Variants in NELL1 observed in about 807,000 individuals in gnomAD.
NELL1 encodes the protein protein kinase C-binding protein NELL1.
Under a neutral mutation model 107.4 loss-of-function variants are expected in NELL1, and 76 were observed. The observed-to-expected ratio is 0.71, with a 90% CI of 0.59 to 0.86. The LOEUF (loss-of-function observed/expected upper bound fraction) is 0.86, where lower values mean the gene tolerates loss of function less well. NELL1 is among the 40% of genes least tolerant of loss of function. NELL1 has a pLI of 0.00. For synonymous variants in NELL1, 353 were observed against 341.2 expected (o/e 1.03, Z -0.38); for missense variants, 1,024 against 1,005.5 (o/e 1.02, Z -0.25).
rs75305017 is a variant in NELL1, at chr11:21,040,351, T to C, written c.1301-73238T>C. Among the ~76,000 whole-genome samples, 389 of 152,302 alleles carry C rather than the reference T, an allele frequency of 2.6e-3. 1 individual carries two copies. The highest frequency in any genetic ancestry group is 9.1e-3 in the African/African-American group (377 of 41,572). ...CATTTTTTCCTATTATATGTATGAG[T>C]TGATAAACATCTTTTTACTCATCTT... is the stretch of plus-strand genomic sequence containing the variant. On this transcript the variant is annotated intron_variant, in intron 12 of 19. Transcript: ENST00000357134.
chr11:20,818,294 T>G (rs550258046), intron 3 of NELL1, among the ~76,000 whole-genome samples: 59 of 152,180 alleles, frequency 3.9e-4, no homozygotes, highest in Non-Finnish European at 4.1e-4. Context: ...TTATTATAAG[T>G]AAGTCTTCCT....
At chr11:21,388,831 G>A (rs566719954) in intron 15 of NELL1, among the ~76,000 whole-genome samples, 4 of 151,844 alleles carry the variant, frequency 2.6e-5, no homozygotes, top group African/African-American at 7.2e-5. Context: ...TAACATTTCC[G>A]GAAAGATGTT....
intron 12 of NELL1, among the ~76,000 whole-genome samples, chr11:21,035,484 A>AT (rs1853067817): frequency 6.6e-6 from 1 of 151,842 alleles, no homozygotes; most frequent in African/African-American, 2.4e-5. Context: ...AAAAAAAAAA[A>AT]AAAATAAAAC....
At chr11:21,507,839 G>A (rs143315571) in intron 15 of NELL1, among the ~76,000 whole-genome samples, 22 of 150,886 alleles carry the variant, frequency 1.5e-4, no homozygotes, top group African/African-American at 4.9e-4. Flanking sequence ...GGAGTGCGGC[G>A]GCGTGATCTC....
intron 14 of NELL1, among the ~76,000 whole-genome samples, chr11:21,345,423 G>T (rs908015030): frequency 6.6e-6 from 1 of 152,088 alleles, no homozygotes; most frequent in Non-Finnish European, 1.5e-5. Context: ...CAAAGCATTT[G>T]CATATCCATA....
intron 4 of NELL1, among the ~76,000 whole-genome samples, chr11:20,870,284 T>C (rs560547635): frequency 6.6e-6 from 1 of 152,354 alleles, no homozygotes; most frequent in South Asian, 2.1e-4. Flanking sequence ...CTTTACCCAT[T>C]AGTTTTCTTC....
At chr11:21,451,115 A>G (rs1461155182) in intron 15 of NELL1, among the ~76,000 whole-genome samples, 1 of 145,290 alleles carries the variant, frequency 6.9e-6, no homozygotes, top group African/African-American at 2.5e-5. Flanking sequence ...TGAACCCGGC[A>G]GGCTGAGCTT....
At position 20,802,693 on chromosome 11, in the gene NELL1, A is replaced by G. The variant is rs149929197; in HGVS notation, c.335+18863A>G. 5.0e-3 allele frequency among the ~76,000 whole-genome samples: 766 copies of G among 152,276 alleles called. 8 individuals carry two copies. The highest frequency in any genetic ancestry group is 0.018 in the African/African-American group (729 of 41,578). On this transcript the variant is annotated intron_variant, in intron 3 of 19. Coordinates refer to ENST00000357134, the MANE Select transcript of NELL1 (RefSeq NM_006157.5). ...GTTTTTTCCCATTCAGTACTATGAT[A>G]GCTATGGGTCTTTCATACATGGCTT...
intron 15 of NELL1, among the ~76,000 whole-genome samples, chr11:21,412,274 TG>T (rs1185066671): frequency 6.6e-6 from 1 of 152,056 alleles, no homozygotes; most frequent in Non-Finnish European, 1.5e-5. Context: ...ATTAGAAACA[TG>T]ATAATGATTT....
intron 12 of NELL1, among the ~76,000 whole-genome samples, chr11:20,992,475 A>G (rs979767908): frequency 2.6e-4 from 39 of 152,270 alleles, no homozygotes; most frequent in African/African-American, 9.4e-4. Context: ...TTTGTAGATT[A>G]GGAAAGGAGA....
intron 13 of NELL1, among the ~76,000 whole-genome samples, chr11:21,185,966 A>G (rs1856926612): frequency 6.6e-6 from 1 of 151,858 alleles, no homozygotes; most frequent in Admixed American, 6.5e-5. Context: ...AAACTTGTGT[A>G]GAAAGGGACT....
chr11:21,116,503 G>C (rs1272732774), intron 13 of NELL1, among the ~76,000 whole-genome samples: 1 of 151,954 alleles, frequency 6.6e-6, no homozygotes, highest in Admixed American at 6.6e-5. Context: ...TGTACACATA[G>C]ATGCTTAGTA....
At chr11:21,492,007 C>T (rs1242814850) in intron 15 of NELL1, among the ~76,000 whole-genome samples, 1 of 151,928 alleles carries the variant, frequency 6.6e-6, no homozygotes, top group Admixed American at 6.6e-5. Context: ...TGACAAAGGG[C>T]TAATATCCAG....
intron 2 of NELL1, among the ~76,000 whole-genome samples, chr11:20,770,278 C>G (rs1791400085): frequency 6.6e-6 from 1 of 152,242 alleles, no homozygotes; most frequent in East Asian, 1.9e-4. Flanking sequence ...TCCAGTGATT[C>G]ATTTTAAGGG....
chr11:21,410,039 G>A (rs1245430838), intron 15 of NELL1, among the ~76,000 whole-genome samples: 1 of 151,946 alleles, frequency 6.6e-6, no homozygotes, highest in African/African-American at 2.4e-5. Context: ...ACACATTTCA[G>A]AAGAATATTT....
intron 2 of NELL1, among the ~76,000 whole-genome samples, chr11:20,685,899 A>G (rs1397885398): frequency 2.0e-5 from 3 of 152,118 alleles, no homozygotes; most frequent in African/African-American, 7.2e-5. Context: ...AATAGGTACT[A>G]TTATTACCCC....
chr11:20,794,152 A>C (rs566331184), intron 3 of NELL1, among the ~76,000 whole-genome samples: 12 of 152,288 alleles, frequency 7.9e-5, no homozygotes, highest in African/African-American at 2.6e-4. Context: ...TGAAAATGTC[A>C]TGTATAATCT....
chr11:20,864,453 C>T (rs1422347175), intron 4 of NELL1, among the ~76,000 whole-genome samples: 4 of 152,242 alleles, frequency 2.6e-5, no homozygotes, highest in Non-Finnish European at 4.4e-5. Context: ...ACCGACATCT[C>T]CTTATCATTT....
intron 15 of NELL1, among the ~76,000 whole-genome samples, chr11:21,468,934 A>G (rs1314315143): frequency 6.6e-6 from 1 of 152,052 alleles, no homozygotes; most frequent in Non-Finnish European, 1.5e-5. Context: ...CAGATCTGAA[A>G]TAGTGCTACT....
Sources: allele counts gnomAD v4.1 joint callset (sites outside exome capture counted in the v4.1 genomes callset), GRCh38; gene constraint gnomAD v4.1.1; transcripts MANE v1.5; gene names NCBI Gene and HGNC (gene_info 2026-07-23, HGNC 2026-07-21).